The following EYS variants were observed in gnomAD, a reference collection of about 807,000 sequenced individuals.
The protein encoded by EYS is EGF-like photoreceptor maintenance factor.
In EYS, 250 loss-of-function variants were observed where a neutral mutation model predicts 282.1. The observed-to-expected ratio is 0.89, with a 90% CI of 0.80 to 0.98. EYS has a LOEUF of 0.98. EYS is among the 50% of genes least tolerant of loss of function. EYS has a pLI of 0.00. For missense variants in EYS, 4,016 were observed against 3,709.0 expected (o/e 1.08, Z -2.15); for synonymous variants, 1,355 against 1,282.9 (o/e 1.06, Z -1.20).
At chr6:64,082,978 G>A (rs1181858193) in intron 31 of EYS, among the ~76,000 whole-genome samples, 2 of 150,322 alleles carry the variant, frequency 1.3e-5, no homozygotes, top group Admixed American at 6.7e-5. Context: ...GAGCAATCTC[G>A]GCTCACTTCA....
chr6:64,017,090 C>T (rs1768929355), intron 33 of EYS, among the ~76,000 whole-genome samples: 1 of 151,870 alleles, frequency 6.6e-6, no homozygotes, highest in African/African-American at 2.4e-5. Context: ...ATCACTAGGA[C>T]TGAACTCTTA....
At chr6:64,809,568 A>T (rs1764533444) in intron 22 of EYS, among the ~76,000 whole-genome samples, 1 of 152,114 alleles carries the variant, frequency 6.6e-6, no homozygotes, top group Non-Finnish European at 1.5e-5. Flanking sequence ...GAATCAACCT[A>T]CATGCCCATC....
At chr6:64,672,300 T>C (rs141621433) in intron 22 of EYS, among the ~76,000 whole-genome samples, 1 of 152,328 alleles carries the variant, frequency 6.6e-6, no homozygotes, top group East Asian at 1.9e-4. Context: ...TGCATTAGCC[T>C]ATCACGGAAA....
chr6:64,145,098 G>A (rs1242085733), intron 31 of EYS, among the ~76,000 whole-genome samples: 1 of 152,130 alleles, frequency 6.6e-6, no homozygotes, highest in Non-Finnish European at 1.5e-5. Context: ...AAATTTGACA[G>A]CTTCTATTGA....
chr6:64,289,155 C>T (rs1450183233), intron 30 of EYS, among the ~76,000 whole-genome samples: 1 of 151,994 alleles, frequency 6.6e-6, no homozygotes, highest in Admixed American at 6.6e-5. Context: ...GACTTCCCAC[C>T]TTAATTTGTG....
intron 14 of EYS, among the ~76,000 whole-genome samples, chr6:64,960,539 C>A (rs1027529572): frequency 6.6e-6 from 1 of 152,066 alleles, no homozygotes; most frequent in South Asian, 2.1e-4. Flanking sequence ...TTTAGAAGAG[C>A]CAATTGTGAT....
chr6:64,586,984 T>C (rs918729954), intron 26 of EYS, among the ~76,000 whole-genome samples: 3 of 152,106 alleles, frequency 2.0e-5, no homozygotes, highest in Non-Finnish European at 4.4e-5. Context: ...ATTTCCTTTG[T>C]ATGTTAAATT....
intron 22 of EYS, among the ~76,000 whole-genome samples, chr6:64,663,504 C>T (rs1769118115): frequency 6.6e-6 from 1 of 152,166 alleles, no homozygotes; most frequent in South Asian, 2.1e-4. Flanking sequence ...ACAAAGCTAT[C>T]ACGGGTTCAC....
chr6:65,645,359 C>G (rs551692209), intron 1 of EYS, among the ~76,000 whole-genome samples: 1 of 152,182 alleles, frequency 6.6e-6, no homozygotes, highest in East Asian at 1.9e-4. Context: ...TGGAATAAAA[C>G]TAGAAATCAA....
At chr6:64,711,331 C>T (rs1313658204) in intron 22 of EYS, among the ~76,000 whole-genome samples, 2 of 152,176 alleles carry the variant, frequency 1.3e-5, no homozygotes, top group Non-Finnish European at 2.9e-5. Context: ...GTGTTTTAAA[C>T]TCCCTGTTTT....
chr6:65,220,800 G>C (rs1766443967), intron 12 of EYS, among the ~76,000 whole-genome samples: 1 of 152,146 alleles, frequency 6.6e-6, no homozygotes, highest in Admixed American at 6.5e-5. Context: ...TTGTGGAATG[G>C]TTTTGACCAA....
chr6:65,219,307 C>T (rs1216773691), intron 12 of EYS, among the ~76,000 whole-genome samples: 3 of 152,008 alleles, frequency 2.0e-5, no homozygotes, highest in Admixed American at 6.5e-5. Flanking sequence ...TCCAAATAAA[C>T]CGGAATGTTG....
chr6:65,686,858 A>T (rs1234751675), intron 1 of EYS, among the ~76,000 whole-genome samples: 4 of 152,042 alleles, frequency 2.6e-5, no homozygotes, highest in Non-Finnish European at 5.9e-5. Flanking sequence ...AAAAGTTAAG[A>T]GGTACTCATT....
intron 36 of EYS, among the ~76,000 whole-genome samples, chr6:63,826,079 C>A (rs111692698): frequency 0.013 from 1,997 of 152,252 alleles, 34 homozygotes; most frequent in African/African-American, 0.046. Flanking sequence ...AAACTTTGGA[C>A]ACTTTTAGAA....
chr6:65,576,284 C>G (rs1417345891), intron 2 of EYS, among the ~76,000 whole-genome samples: 1 of 151,758 alleles, frequency 6.6e-6, no homozygotes, highest in Non-Finnish European at 1.5e-5. Context: ...ATATGCAAAC[C>G]AGTAAATGTG....
intron 5 of EYS, among the ~76,000 whole-genome samples, chr6:65,421,500 A>G (rs1767453445): frequency 1.3e-5 from 2 of 151,554 alleles, no homozygotes. Context: ...AAGGCTCTTT[A>G]GGTTTCTTAA....
intron 35 of EYS, among the ~76,000 whole-genome samples, chr6:63,873,587 C>A (rs865820730): frequency 1.8e-4 from 28 of 152,184 alleles, no homozygotes; most frequent in African/African-American, 6.5e-4. Context: ...ACACTGTCTT[C>A]CACAATGGTT....
At chr6:64,050,477 C>T (rs1770774454) in intron 33 of EYS, among the ~76,000 whole-genome samples, 2 of 152,118 alleles carry the variant, frequency 1.3e-5, no homozygotes, top group Non-Finnish European at 1.5e-5. Context: ...TTAAAATGTA[C>T]TGAATCATGT....
chr6:65,519,472 C>T lies in EYS; in HGVS notation c.-332-23479G>A, dbSNP rs114608676. Among the ~76,000 whole-genome samples the T allele has an allele frequency of 4.1e-3, 606 of 148,898 alleles. 7 individuals carry two copies. The highest frequency in any genetic ancestry group is 0.014 in the African/African-American group (573 of 40,418). Reference sequence around the variant, plus strand: ...ATCTAAATTAGTAAACAAAGGCATACCAAATACTAGATAACTAATAAATAT... The same window carrying T: ...ATCTAAATTAGTAAACAAAGGCATATCAAATACTAGATAACTAATAAATAT... On this transcript the variant is annotated intron_variant, in intron 2 of 42. Transcript: ENST00000503581.
Sources: allele counts gnomAD v4.1 joint callset (sites outside exome capture counted in the v4.1 genomes callset), GRCh38; gene constraint gnomAD v4.1.1; transcripts MANE v1.5; gene names NCBI Gene and HGNC (gene_info 2026-07-23, HGNC 2026-07-21).